The following TENM3 variants were observed in gnomAD, a reference collection of about 807,000 sequenced individuals.
TENM3 encodes the protein teneurin transmembrane protein 3, also known as teneurin-3.
A neutral mutation model predicts 255.1 loss-of-function variants in TENM3; 63 were observed. The ratio of observed to expected loss-of-function variants is 0.25; its 90% confidence interval spans 0.20 to 0.30. TENM3 has a LOEUF of 0.30. TENM3 is among the 10% of genes least tolerant of loss of function. The pLI is 1.00. For missense variants in TENM3, 2,929 were observed against 3,461.1 expected (o/e 0.85, Z 3.86); for synonymous variants, 1,306 against 1,322.3 (o/e 0.99, Z 0.27).
chr4:181,822,010 A>G, the TENM3 span, among the ~76,000 whole-genome samples: 3,410 of 152,334 alleles, frequency 0.022, 136 homozygotes, highest in African/African-American at 0.078. Flanking sequence ...ATTGCATTAT[A>G]TAATGGGAGC....
the TENM3 span, among the ~76,000 whole-genome samples, chr4:181,827,414 C>G: frequency 6.6e-6 from 1 of 152,312 alleles, no homozygotes; most frequent in Middle Eastern, 3.4e-3. Flanking sequence ...TCGGCAGAGC[C>G]AGAAGCCAGC....
intron 3 of TENM3, among the ~76,000 whole-genome samples, chr4:182,530,424 A>G (rs1228945440): frequency 1.3e-5 from 2 of 152,192 alleles, no homozygotes; most frequent in East Asian, 3.8e-4. Flanking sequence ...GATACGTGAA[A>G]CAGAAGGGGA....
the TENM3 span, among the ~76,000 whole-genome samples, chr4:181,665,698 G>A: frequency 1.3e-5 from 2 of 151,418 alleles, no homozygotes; most frequent in African/African-American, 2.4e-5. Context: ...ATACACACAC[G>A]TACCCTGTTC....
the TENM3 span, among the ~76,000 whole-genome samples, chr4:181,581,159 G>A: frequency 6.6e-6 from 1 of 152,158 alleles, no homozygotes; most frequent in African/African-American, 2.4e-5. Flanking sequence ...AAAACAGTTC[G>A]AATGGGTGCA....
At chr4:182,350,244 G>C (rs1159761842) in intron 3 of TENM3, 4 of 152,516 alleles carry the variant, frequency 2.6e-5, no homozygotes, top group African/African-American at 9.6e-5. Flanking sequence ...AAGAGTAAGA[G>C]AACATTCGGA....
intron 22 of TENM3, among the ~76,000 whole-genome samples, chr4:182,764,228 C>G (rs1763471167): frequency 6.6e-6 from 1 of 152,226 alleles, no homozygotes; most frequent in African/African-American, 2.4e-5. Context: ...TTTTGATCAT[C>G]AAGCATTTCC....
At chr4:182,601,338 A>C (rs1012032243) in intron 4 of TENM3, among the ~76,000 whole-genome samples, 177 bp downstream of exon 4, 6 of 152,144 alleles carry the variant, frequency 3.9e-5, no homozygotes, top group Admixed American at 2.0e-4. Flanking sequence ...GGGTCAGTGA[A>C]TGTGCCTATT....
rs748432040 is a variant in TENM3, at chr4:182,601,084, C to T, written c.672C>T (p.Ala224=). 10 of 1,613,728 alleles carry T rather than the reference C, an allele frequency of 6.2e-6. No homozygotes were observed. The highest frequency in any genetic ancestry group is 4.5e-5 in the East Asian group (2 of 44,850). Residue 224 remains alanine (A), a synonymous_variant, in exon 4 of 28, where the codon GCC becomes GCT. Transcript: ENST00000511685. ...CGGCCCCGCCGGCTGCTTTGCCCGC[C>T]GAGCTGCAAACCACACCCGAGTCCG... is the stretch of plus-strand genomic sequence containing the variant. The part of the protein sequence containing the change: ...QSPAPPAALP[A]ELQTTPESVQ...
chr4:182,490,401 G>A lies in TENM3; in HGVS notation c.512-110523G>A, dbSNP rs2151579223. 2.6e-5 allele frequency among the ~76,000 whole-genome samples: 4 copies of A among 152,264 alleles called. No homozygotes were observed. In the Middle Eastern group the frequency reaches 0.014, roughly 518 times the overall value. On this transcript the variant is annotated intron_variant, in intron 3 of 27. Coordinates refer to ENST00000511685, the MANE Select transcript of TENM3 (RefSeq NM_001080477.4). ...GATGTGGAATCATATGAGGTCATTG[G>A]TACTATCTTTAAAATTCTGCCCTTT...
intron 1 of TENM3, among the ~76,000 whole-genome samples, chr4:182,224,970 G>C (rs1404050295): frequency 6.6e-6 from 1 of 152,060 alleles, no homozygotes; most frequent in East Asian, 1.9e-4. Context: ...CTGATCTCGT[G>C]ATCTGCCCAC....
At chr4:181,668,362 A>T in the TENM3 span, among the ~76,000 whole-genome samples, 10 of 152,168 alleles carry the variant, frequency 6.6e-5, no homozygotes, top group Admixed American at 5.9e-4. Context: ...TTTACTACAG[A>T]TGCCATAGCA....
At chr4:182,487,147 G>T (rs1332454669) in intron 3 of TENM3, among the ~76,000 whole-genome samples, 5 of 152,102 alleles carry the variant, frequency 3.3e-5, no homozygotes, top group Non-Finnish European at 7.4e-5. Flanking sequence ...ACCAGAGTGT[G>T]GGATACAATG....
chr4:182,772,231 C>T (rs751403416), intron 22 of TENM3, among the ~76,000 whole-genome samples: 6 of 148,348 alleles, frequency 4.0e-5, no homozygotes, highest in Admixed American at 1.3e-4. Context: ...ATTGAAAAAA[C>T]AAACAAAACA....
intron 1 of TENM3, among the ~76,000 whole-genome samples, chr4:182,280,069 C>T (rs974416293): frequency 6.6e-6 from 1 of 152,188 alleles, no homozygotes. Context: ...ATTGGAGTGT[C>T]CTTTTCATCA....
At chr4:181,628,033 C>T in the TENM3 span, among the ~76,000 whole-genome samples, 3 of 152,162 alleles carry the variant, frequency 2.0e-5, no homozygotes, top group Non-Finnish European at 4.4e-5. Context: ...ACCATACTAA[C>T]TGGTGTGAGA....
chr4:182,718,644 ATCT>A (rs1182133913), intron 13 of TENM3, among the ~76,000 whole-genome samples: 14 of 152,146 alleles, frequency 9.2e-5, no homozygotes, highest in Non-Finnish European at 1.8e-4. Context: ...TTCAGAAGGA[ATCT>A]TCTTCTCTCT....
Position 182,268,415 on chromosome 4 carries a change from T to G in TENM3, c.-76+24939T>G, listed in dbSNP as rs73003286. On this transcript the variant is annotated intron_variant, in intron 1 of 27. Coordinates refer to ENST00000511685, the MANE Select transcript of TENM3 (RefSeq NM_001080477.4). ...TAAAAACATTACAAAAGATGAGTCT[T>G]CGTCCCTCTGCAACCCTTAAAATGA... Among the ~76,000 whole-genome samples the G allele has an allele frequency of 2.8e-3, 427 of 152,200 alleles. 2 individuals carry two copies. The highest frequency in any genetic ancestry group is 9.7e-3 in the African/African-American group (403 of 41,516).
At chr4:181,809,224 C>A in the TENM3 span, among the ~76,000 whole-genome samples, 2 of 152,180 alleles carry the variant, frequency 1.3e-5, no homozygotes, top group African/African-American at 4.8e-5. Flanking sequence ...GGAAAGTGAG[C>A]ATTTCTGTGG....
intron 3 of TENM3, among the ~76,000 whole-genome samples, chr4:182,538,607 T>C (rs1466824235): frequency 6.6e-6 from 1 of 151,942 alleles, no homozygotes; most frequent in Non-Finnish European, 1.5e-5. Flanking sequence ...CAGTAAACAG[T>C]GCTGGGGGTT....
Sources: gnomAD v4.1 joint callset for allele counts (sites outside exome capture counted in the v4.1 genomes callset) on GRCh38, gnomAD v4.1.1 for gene constraint, MANE v1.5 for transcripts, NCBI Gene and HGNC (gene_info 2026-07-23, HGNC 2026-07-21) for gene names.